Variants in NXN observed in about 807,000 individuals in gnomAD.
NXN encodes the protein nucleoredoxin 1.
In NXN, 16 loss-of-function variants were observed where a neutral mutation model predicts 48.6. The ratio of observed to expected loss-of-function variants is 0.33; its 90% CI spans 0.22 to 0.50. The LOEUF (loss-of-function observed/expected upper bound fraction) is 0.50, where lower values mean the gene tolerates loss of function less well. Among genes scored for constraint, NXN ranks in the 20% least tolerant of loss-of-function variants. The probability of loss-of-function intolerance (pLI) is 0.98; values close to 1 mark genes in which losing one functional copy is unlikely to be tolerated. For missense variants in NXN, 492 were observed against 605.5 expected (o/e 0.81, Z 1.97); for synonymous variants, 281 against 269.6 (o/e 1.04, Z -0.41).
chr17:862,243 C>T (rs982109100), intron 1 of NXN, among the ~76,000 whole-genome samples: 12 of 151,716 alleles, frequency 7.9e-5, no homozygotes, highest in African/African-American at 2.7e-4. Flanking sequence ...AGGCCAGGCA[C>T]GGTGGCTCAC....
At position 825,888 on chromosome 17, in the gene NXN, G is replaced by C. The variant is rs1913073817; in HGVS notation, c.478+73C>G. 1.1e-6 allele frequency: 1 copy of C among 931,538 alleles called. No homozygotes were observed. The allele number at this position is 931,538 out of a possible 1,614,324, so 57.7% of individuals were successfully genotyped here. ...CAGTACTCTCTCCACCGGTGGGACG[G>C]AGATTAGCCTAAGGGCATGGAGGAG... is the stretch of plus-strand genomic sequence containing the variant. On this transcript the variant is annotated intron_variant, in intron 2 of 7. Transcript: ENST00000336868. The surrounding 1 kb of genome is among the most constrained non-coding windows in gnomAD (Gnocchi z 4.1).
chr17:901,037 C>T (rs2068533111), intron 1 of NXN, among the ~76,000 whole-genome samples: 1 of 150,712 alleles, frequency 6.6e-6, no homozygotes, highest in Non-Finnish European at 1.5e-5. Flanking sequence ...TCTCGTGCCT[C>T]AGCCTCCCGA....
chr17:813,856 C>T (rs1028699121), intron 5 of NXN, among the ~76,000 whole-genome samples: 1 of 151,986 alleles, frequency 6.6e-6, no homozygotes, highest in African/African-American at 2.4e-5. Flanking sequence ...ATCCCAGCTA[C>T]TCAGGAGGCT....
At chr17:843,402 G>A (rs187386881) in intron 1 of NXN, among the ~76,000 whole-genome samples, 7 of 152,336 alleles carry the variant, frequency 4.6e-5, no homozygotes, top group East Asian at 3.9e-4. Flanking sequence ...CTTTCTGGCC[G>A]ACACCACAGA....
chr17:970,381 T>C (rs1180016133), intron 1 of NXN, among the ~76,000 whole-genome samples: 1 of 151,088 alleles, frequency 6.6e-6, no homozygotes, highest in Non-Finnish European at 1.5e-5. Context: ...AGGCTTTCCG[T>C]AGGATGAAGG....
rs559642625 is a variant in NXN, at chr17:930,737, TG to T, written c.360+48581del. 6.5e-3 allele frequency among the ~76,000 whole-genome samples: 987 copies of T among 151,198 alleles called. 3 individuals are homozygous for T. Among genetic ancestry groups the T allele is most frequent in the Non-Finnish European group, 0.011 (773 of 67,890 alleles). Reference sequence around the variant, plus strand: ...AAAGTGTAACCAGGAAAACCGTAAATGGTGGTATACCAAGAGGACAAAGAAA... The same window carrying T: ...AAAGTGTAACCAGGAAAACCGTAAATGTGGTATACCAAGAGGACAAAGAAA... On this transcript the variant is annotated intron_variant, in intron 1 of 7. Coordinates refer to ENST00000336868, the MANE Select transcript of NXN (RefSeq NM_022463.5).
At chr17:883,990 G>A (rs1221551277) in intron 1 of NXN, among the ~76,000 whole-genome samples, 5 of 152,076 alleles carry the variant, frequency 3.3e-5, no homozygotes, top group Admixed American at 2.0e-4. Flanking sequence ...AGGCCAAGAC[G>A]GGCGGATCAC....
intron 1 of NXN, among the ~76,000 whole-genome samples, chr17:933,613 A>G (rs1460301354): frequency 6.6e-6 from 1 of 151,824 alleles, no homozygotes; most frequent in Non-Finnish European, 1.5e-5. Flanking sequence ...TCCCCACCGC[A>G]ACACCAAATG....
intron 1 of NXN, among the ~76,000 whole-genome samples, chr17:945,364 G>A (rs913279077): frequency 1.3e-5 from 2 of 152,010 alleles, no homozygotes; most frequent in African/African-American, 4.8e-5. Flanking sequence ...TTCCAAGTGT[G>A]AGCCACTGTG....
At chr17:968,293 T>G (rs937587576) in intron 1 of NXN, among the ~76,000 whole-genome samples, 3 of 152,196 alleles carry the variant, frequency 2.0e-5, no homozygotes, top group Non-Finnish European at 1.5e-5. Flanking sequence ...AAGAGACATA[T>G]GCACAGACCA....
chr17:941,433 G>A (rs1260997896), intron 1 of NXN, among the ~76,000 whole-genome samples: 1 of 141,800 alleles, frequency 7.1e-6, no homozygotes, highest in African/African-American at 2.8e-5. Context: ...AAGATTCCAG[G>A]GCGCAGCCAT....
At chr17:896,590 C>T (rs940739304) in intron 1 of NXN, among the ~76,000 whole-genome samples, 4 of 152,190 alleles carry the variant, frequency 2.6e-5, no homozygotes, top group East Asian at 1.9e-4. Context: ...ACTTACCAGA[C>T]GTTAACTATC....
intron 1 of NXN, among the ~76,000 whole-genome samples, chr17:834,722 G>A (rs62067116): frequency 0.024 from 3,564 of 151,626 alleles, 79 homozygotes; most frequent in Non-Finnish European, 0.031. Context: ...GTTTCACCAC[G>A]TTGGGCACGC....
At position 837,796 on chromosome 17, in the gene NXN, C is replaced by T. The variant is rs181471651; in HGVS notation, c.361-11718G>A. On this transcript the variant is annotated intron_variant, in intron 1 of 7. Coordinates refer to ENST00000336868, the MANE Select transcript of NXN (RefSeq NM_022463.5). The stretch of plus-strand genomic sequence containing the variant: ...GACCAAGGGAAAGGGGCCGGGGGTC[C>T]GGGCCAGGCTGATCCGAGCCGTCAC... Among the ~76,000 whole-genome samples the T allele has an allele frequency of 1.7e-3, 264 of 152,254 alleles. 1 individual carries two copies. Among genetic ancestry groups the T allele is most frequent in the African/African-American group, 5.8e-3 (240 of 41,544 alleles).
intron 1 of NXN, among the ~76,000 whole-genome samples, chr17:854,814 C>A (rs756978816): frequency 2.0e-4 from 31 of 151,804 alleles, no homozygotes; most frequent in Non-Finnish European, 2.1e-4. Flanking sequence ...CAAAAATTAG[C>A]TGGATGTGGC....
rs374036567 is a variant in NXN, at chr17:892,651, G to T, written c.361-66573C>A. 3.9e-5 allele frequency among the ~76,000 whole-genome samples: 6 copies of T among 151,984 alleles called. No homozygotes were observed. The East Asian group carries it at 5.8e-4, about 15-fold the overall frequency. Reference sequence around the variant, plus strand: ...AGGGGCGGGGCGGGGTGGGGTGTGTGGGGGGGTGCTGTTCCGCACATTGTA... The same window carrying T: ...AGGGGCGGGGCGGGGTGGGGTGTGTTGGGGGGTGCTGTTCCGCACATTGTA... On this transcript the variant is annotated intron_variant, in intron 1 of 7. Transcript: ENST00000336868.
chr17:868,797 T>C (rs986163665), intron 1 of NXN, among the ~76,000 whole-genome samples: 2 of 152,144 alleles, frequency 1.3e-5, no homozygotes, highest in Non-Finnish European at 2.9e-5. Flanking sequence ...CGGTCGAAAC[T>C]ACCTTCTCTA....
intron 1 of NXN, among the ~76,000 whole-genome samples, chr17:923,662 G>A (rs903195535): frequency 6.6e-6 from 1 of 152,200 alleles, no homozygotes; most frequent in Non-Finnish European, 1.5e-5. Context: ...CCAGCATTGG[G>A]GACAGGTCCT....
At chr17:941,281 C>A (rs1355867941) in intron 1 of NXN, among the ~76,000 whole-genome samples, 2 of 135,494 alleles carry the variant, frequency 1.5e-5, no homozygotes, top group African/African-American at 2.9e-5. Flanking sequence ...ATGAATTCAC[C>A]AAACACCTTC....
Sources: allele counts gnomAD v4.1 joint callset (sites outside exome capture counted in the v4.1 genomes callset), GRCh38; gene constraint gnomAD v4.1.1; non-coding constraint Gnocchi (gnomAD v3.1); transcripts MANE v1.5; gene names NCBI Gene and HGNC (gene_info 2026-07-23, HGNC 2026-07-21).